The following TCF4 variants were observed in gnomAD, a reference collection of about 807,000 sequenced individuals.
TCF4 encodes transcription factor 4, also known as SL3-3 enhancer factor 2.
In TCF4, 3 loss-of-function variants were observed where a neutral mutation model predicts 82.1. The observed-to-expected ratio is 0.04, with a 90% CI of 0.02 to 0.09. The LOEUF is 0.09. TCF4 is among the 10% of genes least tolerant of loss of function. The pLI is 1.00. For synonymous variants in TCF4, 276 were observed against 309.6 expected (o/e 0.89, Z 1.14); for missense variants, 518 against 852.7 (o/e 0.61, Z 4.89).
chr18:55,587,765 C>G (rs1376440541), intron 1 of TCF4, among the ~76,000 whole-genome samples: 1 of 150,916 alleles, frequency 6.6e-6, no homozygotes, highest in African/African-American at 2.4e-5. Context: ...TGTCCAGCAC[C>G]CTAATTTGTG....
chr18:55,542,368 A>G (rs943414361), intron 3 of TCF4, among the ~76,000 whole-genome samples: 2 of 151,966 alleles, frequency 1.3e-5, no homozygotes, highest in Non-Finnish European at 2.9e-5. Flanking sequence ...GGTTGGAGTA[A>G]TAGAATCTCT....
intron 13 of TCF4, among the ~76,000 whole-genome samples, chr18:55,257,957 C>T (rs2057241166): frequency 6.6e-6 from 1 of 152,016 alleles, no homozygotes; most frequent in South Asian, 2.1e-4. Context: ...TTTTATGATT[C>T]ATTAAACTTG....
chr18:55,534,921 G>A (rs1004028475), intron 3 of TCF4, among the ~76,000 whole-genome samples: 2 of 152,174 alleles, frequency 1.3e-5, no homozygotes, highest in Non-Finnish European at 2.9e-5. Flanking sequence ...AAAACTAACA[G>A]TGAGCACCTA....
At chr18:55,418,774 A>G (rs1217495197) in intron 5 of TCF4, among the ~76,000 whole-genome samples, 2 of 152,198 alleles carry the variant, frequency 1.3e-5, no homozygotes, top group African/African-American at 4.8e-5. Flanking sequence ...GGAGCATTAA[A>G]AAGATACAGT....
In TCF4 at chr18:55,290,134, T is replaced by C. The variant is rs2064707116; in HGVS notation, c.550-10478A>G. The stretch of plus-strand genomic sequence containing the variant: ...TTAGGGCTGAGCTTTCTTTAGGATA[T>C]GGAATTACCTATAATGGTCCTAAAG... On this transcript the variant is annotated intron_variant, in intron 8 of 19. Transcript: ENST00000354452. Among the ~76,000 whole-genome samples the C allele has an allele frequency of 2.0e-5, 3 of 152,210 alleles. No individual in the cohort carries two copies. In the South Asian group the frequency reaches 6.2e-4, roughly 31 times the overall value.
chr18:55,627,503 C>T (rs2097727629), intron 2 of TCF4, among the ~76,000 whole-genome samples: 2 of 152,180 alleles, frequency 1.3e-5, no homozygotes, highest in African/African-American at 4.8e-5. Context: ...GTGGCTCACA[C>T]CTGTAATCTC....
At chr18:55,406,369 C>A (rs1287534047) in intron 5 of TCF4, among the ~76,000 whole-genome samples, 4 of 151,928 alleles carry the variant, frequency 2.6e-5, no homozygotes, top group Admixed American at 2.6e-4. Flanking sequence ...AGCCCACGCA[C>A]CTTCTCAAAC....
At chr18:55,568,353 A>C (rs978464610) in intron 3 of TCF4, among the ~76,000 whole-genome samples, 4 of 148,196 alleles carry the variant, frequency 2.7e-5, no homozygotes, top group Admixed American at 2.0e-4. Context: ...GAATACATAA[A>C]TAAAGTTATG....
At chr18:55,420,859 G>C (rs1424693407) in intron 5 of TCF4, among the ~76,000 whole-genome samples, 1 of 150,270 alleles carries the variant, frequency 6.7e-6, no homozygotes, top group African/African-American at 2.5e-5. Context: ...TTCAGATTTG[G>C]GGGAAAAAAG....
At chr18:55,427,064 C>T (rs1156497922) in intron 5 of TCF4, among the ~76,000 whole-genome samples, 1 of 152,116 alleles carries the variant, frequency 6.6e-6, no homozygotes, top group Non-Finnish European at 1.5e-5. Flanking sequence ...GGATATCTAC[C>T]TCTTGAGAAT....
chr18:55,321,294 C>G (rs1392036768), intron 8 of TCF4: 2 of 239,900 alleles, frequency 8.3e-6, no homozygotes, highest in East Asian at 1.0e-4. Context: ...TTTCTCAATT[C>G]TGCTTCTCAT....
chr18:55,602,948 G>T (rs1025535438), intron 2 of TCF4, among the ~76,000 whole-genome samples: 3 of 152,070 alleles, frequency 2.0e-5, no homozygotes, highest in Non-Finnish European at 4.4e-5. Flanking sequence ...TCAGGAAAAA[G>T]GGAAACCAAA....
intron 3 of TCF4, among the ~76,000 whole-genome samples, chr18:55,501,977 C>T (rs2096707115): frequency 6.6e-6 from 1 of 152,110 alleles, no homozygotes; most frequent in African/African-American, 2.4e-5. Context: ...TCAGAAGTAA[C>T]ATTTTACAGG....
At chr18:55,449,653 C>A (rs2095587163) in intron 5 of TCF4, among the ~76,000 whole-genome samples, 1 of 152,174 alleles carries the variant, frequency 6.6e-6, no homozygotes, top group Admixed American at 6.5e-5. Context: ...AGTCAGTAAC[C>A]TAGTAATTTC....
chr18:55,474,174 T>G (rs2096244090), intron 3 of TCF4, among the ~76,000 whole-genome samples: 1 of 152,196 alleles, frequency 6.6e-6, no homozygotes, highest in South Asian at 2.1e-4. Context: ...TGAAATACTT[T>G]ACACATCTGA....
intron 5 of TCF4, among the ~76,000 whole-genome samples, chr18:55,441,145 T>C (rs941079726): frequency 6.6e-6 from 1 of 152,216 alleles, no homozygotes; most frequent in East Asian, 1.9e-4. Context: ...AACAATCCAT[T>C]AGGTCCCAAC....
intron 4 of TCF4, among the ~76,000 whole-genome samples, chr18:55,463,279 G>C (rs1183626296): frequency 6.6e-6 from 1 of 152,170 alleles, no homozygotes; most frequent in Non-Finnish European, 1.5e-5. Context: ...AAGAAACACA[G>C]ATGATCCTCT....
intron 2 of TCF4, among the ~76,000 whole-genome samples, chr18:55,612,825 G>A (rs1482944089): frequency 6.6e-6 from 1 of 152,088 alleles, no homozygotes; most frequent in Non-Finnish European, 1.5e-5. Context: ...GTGCGTGCCT[G>A]TAATCCCAGC....
At chr18:55,476,446 C>T (rs971467328) in intron 3 of TCF4, among the ~76,000 whole-genome samples, 5 of 151,018 alleles carry the variant, frequency 3.3e-5, no homozygotes, top group African/African-American at 1.2e-4. Context: ...TAGATGAAGC[C>T]CTCGTTGTTT....
Sources: gnomAD v4.1 joint callset for allele counts (sites outside exome capture counted in the v4.1 genomes callset) on GRCh38, gnomAD v4.1.1 for gene constraint, MANE v1.5 for transcripts, NCBI Gene and HGNC (gene_info 2026-07-23, HGNC 2026-07-21) for gene names.